The following TAF9B variants were observed in gnomAD, a reference collection of about 807,000 sequenced individuals.
The protein encoded by TAF9B is TATA-box binding protein associated factor 9b.
In TAF9B, 47 loss-of-function variants were observed where a neutral mutation model predicts 17.6. That is an observed-to-expected ratio of 2.68 (90% CI 2.12 to 3.41). The LOEUF is 3.41. TAF9B is among the 30% of genes most tolerant of loss of function. The pLI, the probability that TAF9B is intolerant of heterozygous loss-of-function variation, is 0.00. For synonymous variants in TAF9B, 84 were observed against 68.7 expected (o/e 1.22, Z -1.10); for missense variants, 218 against 189.3 (o/e 1.15, Z -0.89).
In TAF9B at chrX:78,131,463, A is replaced by G. The variant is rs2078411868; in HGVS notation, c.*147T>C. 6.8e-6 allele frequency: 3 copies of G among 443,685 alleles called. No individual in the cohort carries two copies. In the African/African-American group the frequency reaches 7.3e-5, roughly 11 times the overall value. 36.6% of individuals were successfully genotyped at this position (443,685 alleles called of 1,213,427 possible). On this transcript the variant is annotated 3_prime_UTR_variant, in exon 7 of 7. Coordinates refer to ENST00000341864, the MANE Select transcript of TAF9B (RefSeq NM_015975.5). ...AAAAACACATTTGTATGTTTACTAA[A>G]GAGATCTAACAGTTTTAACTGACGA...
chrX:78,139,496 G>A lies in TAF9B; in HGVS notation c.51+65C>T, dbSNP rs373239856. On this transcript the variant is annotated intron_variant, in intron 1 of 6. Coordinates refer to ENST00000341864, the MANE Select transcript of TAF9B (RefSeq NM_015975.5). ...AGCCGACCCTCAGGCCCTCAGCGTG[G>A]CCCCGCCTCGCAGGTCCCTGGCTGC... The A allele has an allele frequency of 1.5e-4, 180 of 1,199,053 alleles. 1 individual carries two copies. In the African/African-American group the frequency reaches 3.1e-3, roughly 20 times the overall value.
At position 78,131,775 on chromosome X, in the gene TAF9B, T is replaced by C. The variant is rs2078414373; in HGVS notation, c.593-2A>G. 1.7e-6 allele frequency: 2 copies of C among 1,200,185 alleles called. No homozygotes were observed. Among genetic ancestry groups the C allele is most frequent in the Non-Finnish European group, 2.2e-6 (2 of 889,499 alleles). On this transcript the variant is annotated splice_acceptor_variant, in intron 6 of 6. Coordinates refer to ENST00000341864, the MANE Select transcript of TAF9B (RefSeq NM_015975.5). LOFTEE classifies it high-confidence loss of function. ...TTTGAACTGCAGTTGTTGCAGGAACTGTAAACAGAGAAGAAAGCCCCCCCA... is the reference window on the plus strand; with the variant it reads ...TTTGAACTGCAGTTGTTGCAGGAACCGTAAACAGAGAAGAAAGCCCCCCCA...
chrX:78,139,549 C>T lies in TAF9B; in HGVS notation c.51+12G>A. ...CTGGCTTCGCGATCCGCGGCTTATCCTTCGCACTTACCAAGGCATCTCTCG... is the reference window on the plus strand; with the variant it reads ...CTGGCTTCGCGATCCGCGGCTTATCTTTCGCACTTACCAAGGCATCTCTCG... On this transcript the variant is annotated intron_variant, in intron 1 of 6. Transcript: ENST00000341864. 4.1e-6 allele frequency: 5 copies of T among 1,212,052 alleles called. No individual in the cohort carries two copies. Among genetic ancestry groups the T allele is most frequent in the African/African-American group, 1.7e-5 (1 of 58,011 alleles).
intron 2 of TAF9B, 24 bp downstream of exon 2, chrX:78,138,819 G>GT: frequency 1.8e-6 from 2 of 1,104,254 alleles, no homozygotes; most frequent in Non-Finnish European, 2.5e-6. Context: ...AGTTAGGCAA[G>GT]TTTTTGGTGT....
chrX:78,134,955 A>ATT (rs569869340), intron 5 of TAF9B, among the ~76,000 whole-genome samples: 61 of 95,749 alleles, frequency 6.4e-4, no homozygotes, highest in Admixed American at 1.0e-3. Context: ...AATCATTTTA[A>ATT]TTTTTTTTTT....
Position 78,131,475 on chromosome X carries a change from G to A in TAF9B, c.*135C>T. 1.9e-6 allele frequency: 1 copy of A among 528,021 alleles called. No individual in the cohort carries two copies. Among genetic ancestry groups the A allele is most frequent in the Non-Finnish European group, 3.0e-6 (1 of 331,369 alleles). The allele number at this position is 528,021 out of a possible 1,213,427, so 43.5% of individuals were successfully genotyped here. On this transcript the variant is annotated 3_prime_UTR_variant, in exon 7 of 7. Transcript: ENST00000341864. The stretch of plus-strand genomic sequence containing the variant: ...GTATGTTTACTAAAGAGATCTAACA[G>A]TTTTAACTGACGAAAAATACTGCAG...
chrX:78,132,072 C>T (rs191444499), intron 6 of TAF9B, among the ~76,000 whole-genome samples: 103 of 111,945 alleles, frequency 9.2e-4, no homozygotes, highest in African/African-American at 3.3e-3. Flanking sequence ...TGGCTCACTG[C>T]AACCTCCGCC....
At chrX:78,131,843 A>G in intron 6 of TAF9B, 70 bp from the exon 7 acceptor site, 4 of 1,001,663 alleles carry the variant, frequency 4.0e-6, no homozygotes, top group Non-Finnish European at 4.1e-6. Context: ...CATATGATAA[A>G]AAGTATACAA....
In TAF9B at chrX:78,132,375, TGAA is replaced by T. The variant is rs782550377; in HGVS notation, c.593-605_593-603del. On this transcript the variant is annotated intron_variant, in intron 6 of 6. Transcript: ENST00000341864. ...AGATTAAACATATCTAGTACAAGGT[TGAA>T]GAAGTTCTGTTGTATTTTAACAACC... Among the ~76,000 whole-genome samples the T allele has an allele frequency of 7.8e-3, 876 of 112,132 alleles. 8 individuals are homozygous for T. Among genetic ancestry groups the T allele is most frequent in the African/African-American group, 0.026 (811 of 30,833 alleles).
rs782566710 is a variant in TAF9B at position 78,139,645 on chromosome X, GGA to G, written c.-36_-35del. ...GCCACTCGTCATCCGCGGAGACAGAGGAGAGAGGAGAGCTCGCGGGCTCCTCG... is the reference window on the plus strand; with the variant it reads ...GCCACTCGTCATCCGCGGAGACAGAGGAGAGGAGAGCTCGCGGGCTCCTCG... On this transcript the variant is annotated 5_prime_UTR_variant, in exon 1 of 7. Transcript: ENST00000341864. 1.2e-5 allele frequency: 15 copies of G among 1,207,947 alleles called. No homozygotes were observed. The highest frequency in any genetic ancestry group is 1.8e-5 in the South Asian group (1 of 56,531).
In TAF9B at chrX:78,138,314, A is replaced by T. The variant is rs45614042; in HGVS notation, c.134-216T>A. On this transcript the variant is annotated intron_variant, in intron 2 of 6. Transcript: ENST00000341864. ...ATTACAGGTGTAAGCTACTGTGCTC[A>T]GCCTAAATGCTGATTTTAATAAGTA... 4.2e-3 allele frequency among the ~76,000 whole-genome samples: 472 copies of T among 112,426 alleles called. 4 individuals carry two copies. Among genetic ancestry groups the T allele is most frequent in the Non-Finnish European group, 7.1e-3 (377 of 53,248 alleles).
chrX:78,138,372 A>G (rs1379842164), intron 2 of TAF9B, among the ~76,000 whole-genome samples: 3 of 112,714 alleles, frequency 2.7e-5, no homozygotes, highest in Non-Finnish European at 3.7e-5. Context: ...TTTTAAACAG[A>G]TATCACAGTG....
chrX:78,132,400 A>C (rs1207433451), intron 6 of TAF9B, among the ~76,000 whole-genome samples: 1 of 112,078 alleles, frequency 8.9e-6, no homozygotes, highest in African/African-American at 3.2e-5. Context: ...GTATTTTAAC[A>C]ACCTAGAATT....
chrX:78,138,627 A>C (rs1350632113), intron 2 of TAF9B, among the ~76,000 whole-genome samples: 1 of 112,291 alleles, frequency 8.9e-6, no homozygotes, highest in Non-Finnish European at 1.9e-5. Context: ...GCGTGGTGGC[A>C]AGTGCCTGTA....
In TAF9B at chrX:78,139,584, TG is replaced by T; in HGVS notation, c.27del (p.Lys10ArgfsTer9). On this transcript the variant is annotated frameshift_variant, in exon 1 of 7. Transcript: ENST00000341864. LOFTEE classifies it high-confidence loss of function. The stretch of plus-strand genomic sequence containing the variant: ...ACCAAGGCATCTCTCGGAGCGTTCT[TG>T]GGAGGCGCCATCTTGCCCGACTCCA... MESGKMAP[P>X]KNAPRDALVM... 8.3e-7 allele frequency: 1 copy of T among 1,211,950 alleles called. No individual in the cohort carries two copies. The highest frequency in any genetic ancestry group is 1.1e-6 in the Non-Finnish European group (1 of 895,440).
chrX:78,130,875 A>C lies in TAF9B; in HGVS notation c.*735T>G, dbSNP rs1362438260. The C allele has an allele frequency of 8.9e-6, 1 of 112,443 alleles. No individual in the cohort carries two copies. Among genetic ancestry groups the C allele is most frequent in the African/African-American group, 3.2e-5 (1 of 30,956 alleles). 9.3% of individuals were successfully genotyped at this position (112,443 alleles called of 1,213,427 possible). ...CATAAGAGTGAAAAACAGCAAATGCAAACCATCAGGTTAAAGTGAATCACA... is the reference window on the plus strand; with the variant it reads ...CATAAGAGTGAAAAACAGCAAATGCCAACCATCAGGTTAAAGTGAATCACA... On this transcript the variant is annotated 3_prime_UTR_variant, in exon 7 of 7. Coordinates refer to ENST00000341864, the MANE Select transcript of TAF9B (RefSeq NM_015975.5).
rs2078405369 is a variant in TAF9B at position 78,130,599 on chromosome X, A to C, written c.*1011T>G. 8.9e-6 allele frequency: 1 copy of C among 112,447 alleles called. No individual in the cohort carries two copies. The highest frequency in any genetic ancestry group is 1.9e-5 in the Non-Finnish European group (1 of 53,156). The allele number at this position is 112,447 out of a possible 1,213,427, so 9.3% of individuals were successfully genotyped here. A position where few individuals can be genotyped will look rare whatever the true frequency, so the allele number is the denominator to read the frequency against. The stretch of plus-strand genomic sequence containing the variant: ...AGCGGGGCTCAAGCAGCAGTGATCA[A>C]AACATAATATGTATGTGGTAAAAAG... On this transcript the variant is annotated 3_prime_UTR_variant, in exon 7 of 7. Transcript: ENST00000341864.
chrX:78,132,861 C>T (rs782802215), intron 6 of TAF9B, among the ~76,000 whole-genome samples: 1 of 110,408 alleles, frequency 9.1e-6, no homozygotes, highest in African/African-American at 3.3e-5. Flanking sequence ...CCCTCCTCCC[C>T]AAAACGTTAC....
At chrX:78,133,473 GT>G (rs781820659) in intron 5 of TAF9B, 25 bp from the exon 6 acceptor site, 109 of 1,083,866 alleles carry the variant, frequency 1.0e-4, no homozygotes, top group Non-Finnish European at 1.3e-4. Flanking sequence ...AACAGACCAT[GT>G]TTGTTAGGTG....
Sources: gnomAD v4.1 joint callset for allele counts (sites outside exome capture counted in the v4.1 genomes callset) on GRCh38, gnomAD v4.1.1 for gene constraint, MANE v1.5 for transcripts, NCBI Gene and HGNC (gene_info 2026-07-23, HGNC 2026-07-21) for gene names.